Variants in MAPK6 observed in about 807,000 individuals in gnomAD.
MAPK6 encodes the protein ERK-3.
In MAPK6, 19 loss-of-function variants were observed where a neutral mutation model predicts 59.3. The ratio of observed to expected loss-of-function variants is 0.32; its 90% CI spans 0.22 to 0.47. The LOEUF is 0.47. Ranked by LOEUF, MAPK6 falls within the 20% of genes least tolerant of loss-of-function variation. MAPK6 has a pLI of 1.00. For synonymous variants in MAPK6, 316 were observed against 290.3 expected (o/e 1.09, Z -0.90); for missense variants, 724 against 847.9 (o/e 0.85, Z 1.81).
Position 52,064,581 on chromosome 15 carries a change from G to T in MAPK6, c.1747G>T (p.Ala583Ser). The T allele has an allele frequency of 6.2e-7, 1 of 1,611,772 alleles. No individual in the cohort carries two copies. The highest frequency in any genetic ancestry group is 8.5e-7 in the Non-Finnish European group (1 of 1,179,744). The change falls in exon 6 of 6, where the codon GCT becomes TCT. Residue 583 changes from alanine (A) to serine (S), a missense_variant. By Grantham distance (99) the Ala-to-Ser change is moderately conservative (BLOSUM62 1). This residue lies in a region of MAPK6 where 502 missense variants were observed against 507.6 expected (regional missense o/e 0.99). Coordinates refer to ENST00000261845, the MANE Select transcript of MAPK6 (RefSeq NM_002748.4). ...EKQEKGMANL[A>S]QLEALYQSSW... ...ACAGGAAAAAGGAATGGCAAATCTG[G>T]CTCAATTAGAAGCCTTGTACCAGTC...
intron 2 of MAPK6, among the ~76,000 whole-genome samples, chr15:52,049,683 C>G (rs551086768): frequency 6.7e-6 from 1 of 148,922 alleles, no homozygotes; most frequent in Non-Finnish European, 1.5e-5. Context: ...GGCACAATCT[C>G]GGCTCACCGC....
chr15:52,051,834 A>C (rs1444620093), intron 3 of MAPK6, among the ~76,000 whole-genome samples: 1 of 151,350 alleles, frequency 6.6e-6, no homozygotes, highest in African/African-American at 2.4e-5. Context: ...GGATCGCGCC[A>C]TTGCACTCCA....
rs868396461 is a variant in MAPK6, at chr15:51,992,310, T to A, written c.-770+8995T>A. Among the ~76,000 whole-genome samples the A allele has an allele frequency of 8.5e-3, 1,174 of 137,792 alleles. 24 individuals carry two copies. Among genetic ancestry groups the A allele is most frequent in the African/African-American group, 0.035 (1,130 of 31,986 alleles). 90.4% of individuals were successfully genotyped at this position (137,792 alleles called of 152,430 possible). On this transcript the variant is annotated intron_variant, in intron 2 of 7. Transcript: ENST00000691380. ...ATCTATCTATATATATATATATTTT[T>A]TTTTTTTTTGAGACAGAGTCTCGCA...
chr15:51,972,599 G>GGACA (rs1566891245), intron 1 of MAPK6, among the ~76,000 whole-genome samples: 1 of 140,910 alleles, frequency 7.1e-6, no homozygotes, highest in Non-Finnish European at 1.5e-5. Flanking sequence ...CGAGGCGGGT[G>GGACA]GATCACGAGG....
At chr15:52,048,942 A>G (rs1446460200) in intron 2 of MAPK6, among the ~76,000 whole-genome samples, 1 of 148,950 alleles carries the variant, frequency 6.7e-6, no homozygotes, top group Non-Finnish European at 1.5e-5. Flanking sequence ...AGTATTGTGG[A>G]TAGAGCACTG....
At chr15:52,003,075 T>C (rs1469815331) in intron 2 of MAPK6, among the ~76,000 whole-genome samples, 2 of 151,934 alleles carry the variant, frequency 1.3e-5, no homozygotes, top group Non-Finnish European at 2.9e-5. Context: ...TAATCCCAGC[T>C]ACTCAGGAGG....
intron 3 of MAPK6, among the ~76,000 whole-genome samples, chr15:52,057,520 C>T (rs2032028251): frequency 6.6e-6 from 1 of 150,754 alleles, no homozygotes; most frequent in South Asian, 2.1e-4. Context: ...TCCTGACTTC[C>T]TTAATTTTCC....
intron 3 of MAPK6, among the ~76,000 whole-genome samples, chr15:52,057,572 T>A (rs973866014): frequency 3.5e-5 from 5 of 144,086 alleles, no homozygotes; most frequent in African/African-American, 1.1e-4. Flanking sequence ...AAAAAAAAAA[T>A]GTCTTATTGT....
At chr15:52,023,786 AT>A (rs981104279) in intron 1 of MAPK6, among the ~76,000 whole-genome samples, 1 of 151,620 alleles carries the variant, frequency 6.6e-6, no homozygotes, top group African/African-American at 2.4e-5. Flanking sequence ...TAATTTTTGT[AT>A]TTTTTTTAGT....
intron 3 of MAPK6, among the ~76,000 whole-genome samples, chr15:52,052,830 A>G (rs778015339): frequency 6.6e-6 from 1 of 152,170 alleles, no homozygotes; most frequent in Admixed American, 6.6e-5. Context: ...CTTGGTTATG[A>G]ATTATGCTGT....
chr15:51,979,311 C>T (rs1189220283), intron 1 of MAPK6, among the ~76,000 whole-genome samples: 1 of 151,684 alleles, frequency 6.6e-6, no homozygotes, highest in Non-Finnish European at 1.5e-5. Flanking sequence ...TTGCCCTAAG[C>T]TACACAGCTA....
chr15:52,033,772 G>C (rs1041250132), intron 1 of MAPK6: 1 of 151,870 alleles, frequency 6.6e-6, no homozygotes, highest in Non-Finnish European at 1.5e-5. Flanking sequence ...TAATACATCT[G>C]GGTTAATAGG....
intron 1 of MAPK6, among the ~76,000 whole-genome samples, chr15:52,032,186 A>ATT (rs566086048): frequency 0.012 from 1,107 of 92,404 alleles, 10 homozygotes; most frequent in African/African-American, 0.017. Flanking sequence ...ACAATTTTTA[A>ATT]TTTTTTTTTT....
chr15:52,054,722 A>G (rs895594420), intron 3 of MAPK6, among the ~76,000 whole-genome samples: 4 of 49,820 alleles, frequency 8.0e-5, no homozygotes, highest in Admixed American at 4.2e-4. Flanking sequence ...GTACATACAT[A>G]TATCTATACA....
intron 1 of MAPK6, among the ~76,000 whole-genome samples, chr15:52,023,880 G>A (rs1413258125): frequency 6.6e-6 from 1 of 152,162 alleles, no homozygotes; most frequent in South Asian, 2.1e-4. Context: ...CCAAAGTGCT[G>A]GGATTACGGG....
intron 1 of MAPK6, among the ~76,000 whole-genome samples, chr15:52,022,830 G>A (rs2030587961): frequency 6.6e-6 from 1 of 152,030 alleles, no homozygotes; most frequent in African/African-American, 2.4e-5. Context: ...ACAAACTGAG[G>A]CCGGGGGCAG....
intron 2 of MAPK6, among the ~76,000 whole-genome samples, chr15:51,998,769 C>T (rs1163229943): frequency 7.2e-6 from 1 of 138,738 alleles, no homozygotes; most frequent in Admixed American, 7.8e-5. Flanking sequence ...CGGCCCACTG[C>T]AAGCTCCGCC....
intron 1 of MAPK6, among the ~76,000 whole-genome samples, chr15:52,020,778 A>G (rs558207328): frequency 1.3e-5 from 2 of 152,274 alleles, no homozygotes; most frequent in Non-Finnish European, 2.9e-5. Context: ...TAGTTGTTCA[A>G]ACATGTTTAT....
intron 1 of MAPK6, among the ~76,000 whole-genome samples, chr15:51,973,148 GTGC>G (rs1321376797): frequency 6.6e-6 from 1 of 151,750 alleles, no homozygotes; most frequent in African/African-American, 2.4e-5. Flanking sequence ...GTAAACTTCA[GTGC>G]TTAACAGGGT....
Sources: gnomAD v4.1 joint callset for allele counts (sites outside exome capture counted in the v4.1 genomes callset) on GRCh38, gnomAD v4.1.1 for gene constraint, gnomAD v4.1.1 regional missense constraint, MANE v1.5 for transcripts, NCBI Gene and HGNC (gene_info 2026-07-23, HGNC 2026-07-21) for gene names.